Variants in FAM86B1 observed in about 807,000 individuals in gnomAD.
FAM86B1 encodes the protein family with sequence similarity 86 member B1 (gene/pseudogene).
For missense variants in FAM86B1, 13 were observed against 328.1 expected, an observed-to-expected ratio of 0.04 and a Z score of 7.42; for synonymous variants, 4 against 137.6, an observed-to-expected ratio of 0.03 and a Z score of 6.79.
At chr8:12,191,150 G>A (rs1258269148) in intron 2 of FAM86B1, among the ~76,000 whole-genome samples, 16 of 109,992 alleles carry the variant, frequency 1.5e-4, no homozygotes, top group African/African-American at 6.3e-4. Flanking sequence ...GAGGATGTCT[G>A]CCTCCCCTGA....
At chr8:12,193,056 ATG>A (rs1807191058) in intron 1 of FAM86B1, among the ~76,000 whole-genome samples, 1 of 144,188 alleles carries the variant, frequency 6.9e-6, no homozygotes, top group Admixed American at 6.7e-5. Flanking sequence ...CTCTGGTCAA[ATG>A]TGAGTGATAA....
chr8:12,194,139 G>C, upstream of FAM86B1: 1 of 1,460,144 alleles, frequency 6.8e-7, no homozygotes, highest in Non-Finnish European at 9.1e-7. Flanking sequence ...AAGAGGGGGC[G>C]GGCCGAGGGC....
intron 3 of FAM86B1, chr8:12,188,426 T>TAA: frequency 5.7e-5 from 22 of 389,094 alleles, no homozygotes; most frequent in Non-Finnish European, 7.2e-5. Flanking sequence ...ATCTTGTCTC[T>TAA]AAAAAAAAAA....
At chr8:12,192,991 G>A (rs1171744521) in intron 1 of FAM86B1, among the ~76,000 whole-genome samples, 1 of 143,568 alleles carries the variant, frequency 7.0e-6, no homozygotes, top group Non-Finnish European at 1.5e-5. Context: ...TTCGAAGCAG[G>A]CAGGCTGTCT....
intron 2 of FAM86B1, among the ~76,000 whole-genome samples, chr8:12,191,003 G>A (rs1407124764): frequency 4.0e-5 from 6 of 148,728 alleles, no homozygotes; most frequent in South Asian, 2.1e-4. Context: ...CTCCATGCTC[G>A]AAGCCCTGAC....
chr8:12,193,137 T>C (rs1197810197), intron 1 of FAM86B1, among the ~76,000 whole-genome samples: 4 of 143,784 alleles, frequency 2.8e-5, no homozygotes, highest in Non-Finnish European at 4.5e-5. Context: ...ATGTGAACAA[T>C]TATAGTCAAT....
chr8:12,194,341 G>A, upstream of FAM86B1: 1 of 585,308 alleles, frequency 1.7e-6, no homozygotes, highest in Non-Finnish European at 3.0e-6. Context: ...CCAGGATAGG[G>A]CGATCCTGGA....
chr8:12,182,810 C>T lies in FAM86B1; in HGVS notation c.*796G>A. ...GGGCAAAGCCTTTCGAGCAGCGCCT[C>T]CCAGTGGCCAGAAGCTGAAATGACG... On this transcript the variant is annotated 3_prime_UTR_variant, in exon 7 of 7. Transcript: ENST00000448228. 6.5e-7 allele frequency: 1 copy of T among 1,530,644 alleles called. No individual in the cohort carries two copies. Among genetic ancestry groups the T allele is most frequent in the Non-Finnish European group, 8.9e-7 (1 of 1,123,676 alleles). 94.8% of individuals were successfully genotyped at this position (1,530,644 alleles called of 1,614,324 possible).
In FAM86B1 at chr8:12,182,390, G is replaced by A; in HGVS notation, c.*1216C>T. The A allele has an allele frequency of 3.4e-6, 2 of 588,570 alleles. No homozygotes were observed. Among genetic ancestry groups the A allele is most frequent in the Non-Finnish European group, 5.9e-6 (2 of 340,316 alleles). 36.5% of individuals were successfully genotyped at this position (588,570 alleles called of 1,614,324 possible). On this transcript the variant is annotated 3_prime_UTR_variant, in exon 7 of 7. Coordinates refer to ENST00000448228, the MANE Select transcript of FAM86B1 (RefSeq NM_001083537.4). Reference sequence around the variant, plus strand: ...TTTCCAGAAAGCATGATGTCAAGTTGGAAGTGGAGCGCTGCTGGGTTGTGA... The same window carrying A: ...TTTCCAGAAAGCATGATGTCAAGTTAGAAGTGGAGCGCTGCTGGGTTGTGA...
chr8:12,193,355 T>C (rs1430644755), intron 1 of FAM86B1, among the ~76,000 whole-genome samples: 10 of 143,504 alleles, frequency 7.0e-5, no homozygotes, highest in African/African-American at 2.6e-4. Context: ...TCAATGCACA[T>C]GAATTACAAA....
At chr8:12,192,761 G>A (rs1200430212) in intron 1 of FAM86B1, among the ~76,000 whole-genome samples, 6 of 148,146 alleles carry the variant, frequency 4.1e-5, no homozygotes, top group Admixed American at 3.3e-4. Context: ...CTCACGGAAG[G>A]CATTTATTAA....
intron 3 of FAM86B1, among the ~76,000 whole-genome samples, chr8:12,189,284 AAATAAATAAATAAAT>A: frequency 1.2e-5 from 1 of 85,248 alleles, no homozygotes; most frequent in African/African-American, 6.6e-5. Context: ...ATAAATAAAT[AAATAAATAAATAAAT>A]AAGTAAAAAA....
In FAM86B1 at chr8:12,182,325, C is replaced by T. The variant is rs1257872952; in HGVS notation, c.*1281G>A. 2 of 414,520 alleles carry T rather than the reference C, an allele frequency of 4.8e-6. No individual in the cohort carries two copies. Among genetic ancestry groups the T allele is most frequent in the Admixed American group, 3.7e-5 (1 of 27,060 alleles). The allele number at this position is 414,520 out of a possible 1,614,324, so 25.7% of individuals were successfully genotyped here. On this transcript the variant is annotated 3_prime_UTR_variant, in exon 7 of 7. Coordinates refer to ENST00000448228, the MANE Select transcript of FAM86B1 (RefSeq NM_001083537.4). ...CAGCATGTAGAGGCCGGAAGGTGCTCCAGGGCACCAAGTGTGGGAAAGTGG... is the reference window on the plus strand; with the variant it reads ...CAGCATGTAGAGGCCGGAAGGTGCTTCAGGGCACCAAGTGTGGGAAAGTGG...
intron 2 of FAM86B1, among the ~76,000 whole-genome samples, chr8:12,191,540 T>C (rs1294972092): frequency 7.6e-6 from 1 of 131,396 alleles, no homozygotes; most frequent in Non-Finnish European, 1.6e-5. Context: ...ATTCCCTAGA[T>C]TTCCCCCCTC....
In FAM86B1 at chr8:12,182,822, A is replaced by C. The variant is rs1476632383; in HGVS notation, c.*784T>G. On this transcript the variant is annotated 3_prime_UTR_variant, in exon 7 of 7. Coordinates refer to ENST00000448228, the MANE Select transcript of FAM86B1 (RefSeq NM_001083537.4). ...TCGAGCAGCGCCTCCCAGTGGCCAG[A>C]AGCTGAAATGACGGCAGTGGTGTCA... is the stretch of plus-strand genomic sequence containing the variant. 6.9e-7 allele frequency: 1 copy of C among 1,440,536 alleles called. No individual in the cohort carries two copies. The highest frequency in any genetic ancestry group is 9.6e-7 in the Non-Finnish European group (1 of 1,043,454). The allele number at this position is 1,440,536 out of a possible 1,614,324, so 89.2% of individuals were successfully genotyped here.
Position 12,186,220 on chromosome 8 carries a change from C to A in FAM86B1, c.640+132G>T. 3.1e-6 allele frequency: 3 copies of A among 976,718 alleles called. 1 individual carries two copies. Among genetic ancestry groups the A allele is most frequent in the Non-Finnish European group, 4.0e-6 (3 of 744,898 alleles). 60.5% of individuals were successfully genotyped at this position (976,718 alleles called of 1,614,324 possible). A position where few individuals can be genotyped will look rare whatever the true frequency, so the allele number is the denominator to read the frequency against. The stretch of plus-strand genomic sequence containing the variant: ...TGTCCTTTGATGTCACCCTGGAGGC[C>A]CAGAGTAACTCTTCTGGAAGCCCCA... On this transcript the variant is annotated intron_variant, in intron 5 of 6. Coordinates refer to ENST00000448228, the MANE Select transcript of FAM86B1 (RefSeq NM_001083537.4).
chr8:12,192,815 T>C (rs1169199040), intron 1 of FAM86B1, among the ~76,000 whole-genome samples: 11 of 150,370 alleles, frequency 7.3e-5, no homozygotes, highest in Admixed American at 7.3e-4. Flanking sequence ...CCGACATGCA[T>C]TTACCATGAG....
chr8:12,189,313 A>G (rs1318383487), intron 3 of FAM86B1, among the ~76,000 whole-genome samples: 1 of 109,806 alleles, frequency 9.1e-6, no homozygotes, highest in Non-Finnish European at 1.7e-5. Context: ...TAAAAAATAA[A>G]ATCCATCCTA....
rs1473473587 is a variant in FAM86B1 at position 12,183,180 on chromosome 8, AC to A, written c.*425del. 3 of 29,036 alleles carry A rather than the reference AC, an allele frequency of 1.0e-4. No individual in the cohort carries two copies. The highest frequency in any genetic ancestry group is 2.6e-4 in the Non-Finnish European group (3 of 11,644). 1.8% of individuals were successfully genotyped at this position (29,036 alleles called of 1,614,324 possible). A position where few individuals can be genotyped will look rare whatever the true frequency, so the allele number is the denominator to read the frequency against. The stretch of plus-strand genomic sequence containing the variant: ...TGCAGCGGGCTTGGCTTTGTGAGGA[AC>A]CGAGTGTGTCCAGGGATGTGGCAGC... On this transcript the variant is annotated 3_prime_UTR_variant, in exon 7 of 7. Transcript: ENST00000448228.
Sources: allele counts gnomAD v4.1 joint callset (sites outside exome capture counted in the v4.1 genomes callset), GRCh38; gene constraint gnomAD v4.1.1; transcripts MANE v1.5; gene names NCBI Gene and HGNC (gene_info 2026-07-23, HGNC 2026-07-21).